Variants in EXPH5 observed in about 807,000 individuals in gnomAD.
EXPH5 encodes exophilin-5.
EXPH5 carries 42 observed loss-of-function variants against 41.1 expected under a neutral mutation model. That is an observed-to-expected ratio of 1.02 (90% CI 0.80 to 1.32). EXPH5 has a LOEUF of 1.32. Among genes scored for constraint, EXPH5 ranks in the 40% most tolerant of loss-of-function variants. The probability of loss-of-function intolerance (pLI) is 0.00; values close to 1 mark genes in which losing one functional copy is unlikely to be tolerated. For missense variants in EXPH5, 2,298 were observed against 2,314.5 expected (o/e 0.99, Z 0.15); for synonymous variants, 798 against 833.5 (o/e 0.96, Z 0.73).
intron 1 of EXPH5, among the ~76,000 whole-genome samples, chr11:108,590,250 A>T (rs996027540): frequency 6.6e-6 from 1 of 152,166 alleles, no homozygotes; most frequent in African/African-American, 2.4e-5. Context: ...AAGGGGCAGC[A>T]TGGTATCTCA....
intron 1 of EXPH5, among the ~76,000 whole-genome samples, chr11:108,553,501 T>A (rs2093977101): frequency 6.6e-6 from 1 of 152,180 alleles, no homozygotes; most frequent in African/African-American, 2.4e-5. Context: ...GTTTACATGA[T>A]CCCTTTTTGA....
chr11:108,573,157 A>AAAG (rs1565830549), intron 1 of EXPH5, among the ~76,000 whole-genome samples: 2 of 142,040 alleles, frequency 1.4e-5, no homozygotes, highest in Admixed American at 1.4e-4. Context: ...AGAAAGAAAG[A>AAAG]AAGAAAGAAA....
chr11:108,577,660 T>C, intron 1 of EXPH5, among the ~76,000 whole-genome samples: 1 of 152,144 alleles, frequency 6.6e-6, no homozygotes, highest in East Asian at 1.9e-4. Context: ...TGACCTCAGG[T>C]AATCTGCCCG....
intron 1 of EXPH5, among the ~76,000 whole-genome samples, chr11:108,548,929 A>AAGTAC (rs1565815392): frequency 2.0e-5 from 3 of 152,244 alleles, no homozygotes; most frequent in Non-Finnish European, 4.4e-5. Context: ...AGTACTTTCT[A>AAGTAC]TTTCCACTAG....
intron 1 of EXPH5, among the ~76,000 whole-genome samples, chr11:108,548,936 C>T (rs1397083904): frequency 6.6e-6 from 1 of 152,214 alleles, no homozygotes; most frequent in Non-Finnish European, 1.5e-5. Flanking sequence ...TCTATTTCCA[C>T]TAGCCTCAGT....
In EXPH5 at chr11:108,510,723, A is replaced by T; in HGVS notation, c.4784T>A (p.Leu1595Ter). 2 of 1,614,172 alleles carry T rather than the reference A, an allele frequency of 1.2e-6. No homozygotes were observed. Among genetic ancestry groups the T allele is most frequent in the Non-Finnish European group, 1.7e-6 (2 of 1,180,020 alleles). ...GENRSSVKHR[L>*]AAMSKASRKF... The stretch of plus-strand genomic sequence containing the variant: ...TCTGCTGGCTTTAGACATGGCTGCC[A>T]ATCTGTGTTTAACTGAAGATCTATT... Residue 1595 changes from leucine to a stop codon, truncating the protein, a stop_gained, in exon 6 of 6, where the codon TTG (leucine) becomes TAG (stop). Coordinates refer to ENST00000265843, the MANE Select transcript of EXPH5 (RefSeq NM_015065.3). LOFTEE classifies it low-confidence loss of function (END_TRUNC).
chr11:108,568,182 G>A (rs547837212), intron 1 of EXPH5: 4 of 149,664 alleles, frequency 2.7e-5, no homozygotes, highest in Admixed American at 1.3e-4. Flanking sequence ...TTTTGGGAGG[G>A]GGGGAGGGCG....
intron 1 of EXPH5, among the ~76,000 whole-genome samples, chr11:108,570,572 A>T (rs1451506667): frequency 1.3e-5 from 2 of 152,056 alleles, no homozygotes; most frequent in Non-Finnish European, 2.9e-5. Flanking sequence ...AAGAGATAAG[A>T]TCTCACTCTG....
chr11:108,593,321 C>T (rs2094132774), intron 1 of EXPH5, 97 bp downstream of exon 1: 3 of 1,072,492 alleles, frequency 2.8e-6, no homozygotes, highest in Non-Finnish European at 4.2e-6. Context: ...GGAGCACCCC[C>T]GGGCAGGTGC....
Position 108,513,440 on chromosome 11 carries a change from C to G in EXPH5, c.2067G>C (p.Gln689His). Reference sequence around the variant, plus strand: ...TTACTTCTGTGACCAAGATATTGGGCTGGCTTTTGGCAAGAGGCAGAGAGT... The same window carrying G: ...TTACTTCTGTGACCAAGATATTGGGGTGGCTTTTGGCAAGAGGCAGAGAGT... ...SVDSLPLAKS[Q>H]PNILVTEVNN... Residue 689 changes from glutamine (Q) to histidine (H), a missense_variant, in exon 6 of 6, where the codon CAG becomes CAC. Coordinates refer to ENST00000265843, the MANE Select transcript of EXPH5 (RefSeq NM_015065.3). 6.2e-7 allele frequency: 1 copy of G among 1,613,220 alleles called. No individual in the cohort carries two copies. The highest frequency in any genetic ancestry group is 8.5e-7 in the Non-Finnish European group (1 of 1,179,638).
chr11:108,559,508 A>G (rs887513794), intron 1 of EXPH5, among the ~76,000 whole-genome samples: 10 of 152,198 alleles, frequency 6.6e-5, no homozygotes, highest in African/African-American at 2.4e-4. Context: ...TATGATCTCA[A>G]CGTCTTGAAT....
At chr11:108,605,695 G>A in the EXPH5 span, among the ~76,000 whole-genome samples, 1 of 152,208 alleles carries the variant, frequency 6.6e-6, no homozygotes, top group Non-Finnish European at 1.5e-5. Context: ...TGCTAACTCT[G>A]CGTCCTTTGA....
chr11:108,585,460 C>A (rs1016053165), intron 1 of EXPH5, among the ~76,000 whole-genome samples: 1 of 152,248 alleles, frequency 6.6e-6, no homozygotes, highest in East Asian at 1.9e-4. Context: ...GCCCCTTCTA[C>A]CATGTGAGGA....
the EXPH5 span, among the ~76,000 whole-genome samples, chr11:108,600,961 AGTT>A: frequency 6.6e-6 from 1 of 152,210 alleles, no homozygotes. Context: ...AACACAAAGA[AGTT>A]GTTGCCATGC....
At chr11:108,591,990 C>A (rs143998226) in intron 1 of EXPH5, among the ~76,000 whole-genome samples, 1 of 152,162 alleles carries the variant, frequency 6.6e-6, no homozygotes, top group African/African-American at 2.4e-5. Context: ...TGAGAATAAC[C>A]GCAGTTTCTT....
At chr11:108,533,719 A>G (rs1307383795) in intron 3 of EXPH5, among the ~76,000 whole-genome samples, 2 of 152,128 alleles carry the variant, frequency 1.3e-5, no homozygotes, top group African/African-American at 2.4e-5. Flanking sequence ...TGAGCATTGT[A>G]GGATGTTTAG....
At chr11:108,574,140 A>G (rs2094072147) in intron 1 of EXPH5, among the ~76,000 whole-genome samples, 1 of 150,926 alleles carries the variant, frequency 6.6e-6, no homozygotes, top group Non-Finnish European at 1.5e-5. Flanking sequence ...CGATCTCCTG[A>G]CCTCCTGATT....
At chr11:108,602,764 A>C in the EXPH5 span, among the ~76,000 whole-genome samples, 1 of 152,256 alleles carries the variant, frequency 6.6e-6, no homozygotes, top group South Asian at 2.1e-4. Context: ...TAGGATAAGA[A>C]AGGAAAATAG....
chr11:108,564,189 G>A (rs1284054367), intron 1 of EXPH5, among the ~76,000 whole-genome samples: 1 of 152,178 alleles, frequency 6.6e-6, no homozygotes, highest in Non-Finnish European at 1.5e-5. Context: ...TCAGGAGGCT[G>A]AGGCAGGAGA....
Sources: allele counts gnomAD v4.1 joint callset (sites outside exome capture counted in the v4.1 genomes callset), GRCh38; gene constraint gnomAD v4.1.1; transcripts MANE v1.5; gene names NCBI Gene and HGNC (gene_info 2026-07-23, HGNC 2026-07-21).